The following RGS8 variants were observed in gnomAD, a reference collection of about 807,000 sequenced individuals.
RGS8 encodes regulator of G-protein signaling 8.
Under a neutral mutation model 21.7 loss-of-function variants are expected in RGS8, and 8 were observed. The ratio of observed to expected loss-of-function variants is 0.37; its 90% confidence interval spans 0.22 to 0.66. The LOEUF is 0.66. RGS8 is among the 30% of genes least tolerant of loss of function. The probability of loss-of-function intolerance (pLI) is 0.59; values close to 1 mark genes in which losing one functional copy is unlikely to be tolerated. For synonymous variants in RGS8, 80 were observed against 83.6 expected, an observed-to-expected ratio of 0.96 and a Z score of 0.24; for missense variants, 157 against 217.9, an observed-to-expected ratio of 0.72 and a Z score of 1.76.
At chr1:182,703,691 A>C in the RGS8 span, among the ~76,000 whole-genome samples, 1 of 152,208 alleles carries the variant, frequency 6.6e-6, no homozygotes, top group Non-Finnish European at 1.5e-5. Context: ...TTTGAAAGTC[A>C]TTTAAATTTG....
chr1:182,710,460 C>A, the RGS8 span, among the ~76,000 whole-genome samples: 3 of 152,212 alleles, frequency 2.0e-5, no homozygotes, highest in African/African-American at 7.2e-5. Context: ...CCTCCTCCCC[C>A]AGGCTGTGTG....
At chr1:182,657,042 A>G (rs1663313374) in intron 5 of RGS8, among the ~76,000 whole-genome samples, 1 of 152,212 alleles carries the variant, frequency 6.6e-6, no homozygotes, top group Non-Finnish European at 1.5e-5. Context: ...TCTTGCCTGG[A>G]GCAGATGGCA....
the RGS8 span, among the ~76,000 whole-genome samples, chr1:182,747,640 T>C: frequency 6.6e-6 from 1 of 151,764 alleles, no homozygotes; most frequent in South Asian, 2.1e-4. Context: ...GACCCAAGAG[T>C]GGAACAAGCA....
At chr1:182,679,430 C>T (rs1664470416) in intron 1 of RGS8, among the ~76,000 whole-genome samples, 1 of 152,102 alleles carries the variant, frequency 6.6e-6, no homozygotes, top group African/African-American at 2.4e-5. Flanking sequence ...ATTACACTCC[C>T]CTGGCTGCCC....
At chr1:182,693,840 G>A in the RGS8 span, among the ~76,000 whole-genome samples, 10 of 152,204 alleles carry the variant, frequency 6.6e-5, 1 homozygote, top group Admixed American at 2.0e-4. Context: ...GGTGCTGGAG[G>A]TCATTATCCT....
chr1:182,697,775 C>A, the RGS8 span, among the ~76,000 whole-genome samples: 1 of 152,138 alleles, frequency 6.6e-6, no homozygotes, highest in African/African-American at 2.4e-5. Context: ...CTATCCCTCA[C>A]CCCAGCCAAT....
chr1:182,738,475 C>T, the RGS8 span, among the ~76,000 whole-genome samples: 2 of 152,074 alleles, frequency 1.3e-5, no homozygotes, highest in Non-Finnish European at 2.9e-5. Context: ...ATATTTTAGG[C>T]TTATCATTTT....
At chr1:182,686,134 A>G (rs1664698030), upstream of RGS8, among the ~76,000 whole-genome samples, 1 of 152,182 alleles carries the variant, frequency 6.6e-6, no homozygotes, top group South Asian at 2.1e-4. Flanking sequence ...GCTGAGGAAC[A>G]GCCTGGGCAA....
chr1:182,684,649 G>A (rs937663253), upstream of RGS8: 3 of 152,416 alleles, frequency 2.0e-5, no homozygotes, highest in African/African-American at 7.2e-5. This position sits in a 1 kb window ranked among gnomAD's most constrained non-coding sequence, Gnocchi z 4.2. Flanking sequence ...GACAGATGAT[G>A]CGCACTGCCA....
the RGS8 span, among the ~76,000 whole-genome samples, chr1:182,728,773 C>A: frequency 5.2e-3 from 796 of 152,172 alleles, 7 homozygotes; most frequent in African/African-American, 0.018. Flanking sequence ...AGATAATAAC[C>A]TAAAGTAATC....
At chr1:182,725,105 G>T in the RGS8 span, among the ~76,000 whole-genome samples, 2 of 152,106 alleles carry the variant, frequency 1.3e-5, no homozygotes, top group African/African-American at 4.8e-5. Context: ...TATTATGCTG[G>T]AATCTCCTGT....
chr1:182,680,914 T>G (rs1571356909), intron 1 of RGS8, among the ~76,000 whole-genome samples: 1 of 152,060 alleles, frequency 6.6e-6, no homozygotes, highest in Non-Finnish European at 1.5e-5. Flanking sequence ...GGCTCCAGGG[T>G]CAGCAACAAG....
chr1:182,650,793 A>G (rs373431710), intron 5 of RGS8, among the ~76,000 whole-genome samples: 81 of 152,308 alleles, frequency 5.3e-4, no homozygotes, highest in Middle Eastern at 3.4e-3. Flanking sequence ...GTTGAGACTT[A>G]TCCAAGTCAG....
At chr1:182,729,112 A>G in the RGS8 span, among the ~76,000 whole-genome samples, 1 of 152,238 alleles carries the variant, frequency 6.6e-6, no homozygotes, top group Non-Finnish European at 1.5e-5. Flanking sequence ...TTAAAATTCA[A>G]GTTTCATGAA....
the RGS8 span, among the ~76,000 whole-genome samples, chr1:182,742,496 G>A: frequency 6.6e-6 from 1 of 152,244 alleles, no homozygotes; most frequent in Non-Finnish European, 1.5e-5. Flanking sequence ...CGGCACCTCG[G>A]GAGGCCGAGG....
chr1:182,671,775 G>C (rs775202617), intron 1 of RGS8, 45 bp from the exon 3 acceptor site: 1 of 1,611,970 alleles, frequency 6.2e-7, no homozygotes, highest in African/African-American at 1.3e-5. Flanking sequence ...AATCCTCGGC[G>C]AGTGAAGGGC....
chr1:182,648,104 G>T (rs1662790216), intron 6 of RGS8, 33 bp downstream of exon 7: 2 of 1,569,986 alleles, frequency 1.3e-6, no homozygotes, highest in East Asian at 4.5e-5. Context: ...TAGGAGCCAT[G>T]GATAGACAGG....
At chr1:182,733,169 A>G in the RGS8 span, among the ~76,000 whole-genome samples, 1 of 152,252 alleles carries the variant, frequency 6.6e-6, no homozygotes, top group South Asian at 2.1e-4. Context: ...CTGTGTTCAT[A>G]GGCAGTAACT....
At chr1:182,751,623 C>G in the RGS8 span, among the ~76,000 whole-genome samples, 9 of 129,364 alleles carry the variant, frequency 7.0e-5, no homozygotes, top group East Asian at 2.1e-3. Flanking sequence ...TTTTTTCTAA[C>G]CAACAACTTA....
Sources: gnomAD v4.1 joint callset for allele counts (sites outside exome capture counted in the v4.1 genomes callset) on GRCh38, gnomAD v4.1.1 for gene constraint, Gnocchi (gnomAD v3.1) non-coding constraint, MANE v1.5 for transcripts, NCBI Gene and HGNC (gene_info 2026-07-23, HGNC 2026-07-21) for gene names.